MDN1: variants seen among roughly 807,000 people sequenced by gnomAD.
The protein encoded by MDN1 is midasin.
Under a neutral mutation model 669.2 loss-of-function variants are expected in MDN1, and 266 were observed. That is an observed-to-expected ratio of 0.40 (90% CI 0.36 to 0.44). The LOEUF (loss-of-function observed/expected upper bound fraction) is 0.44, where lower values mean the gene tolerates loss of function less well. MDN1 is among the 20% of genes least tolerant of loss of function. The probability of loss-of-function intolerance (pLI) is 1.00; values close to 1 mark genes in which losing one functional copy is unlikely to be tolerated. For missense variants in MDN1, 5,940 were observed against 6,754.0 expected (o/e 0.88, Z 4.22); for synonymous variants, 2,385 against 2,457.1 (o/e 0.97, Z 0.87).
intron 1 of MDN1, among the ~76,000 whole-genome samples, chr6:89,817,172 C>T (rs1768895814): frequency 6.6e-6 from 1 of 152,120 alleles, no homozygotes. Flanking sequence ...GCTTAGGTCT[C>T]CCTAAAATGT....
chr6:89,730,295 C>T (rs1815506937), intron 35 of MDN1, among the ~76,000 whole-genome samples: 1 of 152,132 alleles, frequency 6.6e-6, no homozygotes, highest in Non-Finnish European at 1.5e-5. Flanking sequence ...GGGACCGGAT[C>T]AGGAATGACA....
intron 13 of MDN1, among the ~76,000 whole-genome samples, chr6:89,773,799 T>C (rs1818224453): frequency 6.6e-6 from 1 of 151,542 alleles, no homozygotes; most frequent in African/African-American, 2.4e-5. Context: ...ACCCCGTCTC[T>C]ACTAAAAATA....
intron 37 of MDN1, among the ~76,000 whole-genome samples, chr6:89,726,821 C>G (rs1406367618): frequency 1.3e-5 from 2 of 152,072 alleles, no homozygotes; most frequent in African/African-American, 4.8e-5. Flanking sequence ...TGCAAACAGG[C>G]AAAAATCAGA....
Position 89,781,576 on chromosome 6 carries a change from T to C in MDN1, c.1466A>G (p.Tyr489Cys), listed in dbSNP as rs1363618186. The change falls in exon 10 of 102, where the codon TAT becomes TGT. Residue 489 changes from tyrosine to cysteine, a missense_variant. Physicochemically the swap from Tyr to Cys is radical, Grantham distance 194. Around this residue, in one of 5 missense-constraint regions of MDN1, gnomAD observed 1,203 missense variants for 1,268.9 expected, o/e 0.95. Transcript: ENST00000369393. ...ATCAACCACTGCCAATAGGCTAGGA[T>C]ATCTGCTCTGAAGAACCTGACAGAG... ...RELNEVLQSR[Y>C]PSLLAVVDHL... 1 of 1,602,904 alleles carries C rather than the reference T, an allele frequency of 6.2e-7. No homozygotes were observed. The highest frequency in any genetic ancestry group is 2.2e-5 in the East Asian group (1 of 44,638).
chr6:89,807,251 TA>T (rs1768082942), intron 1 of MDN1, among the ~76,000 whole-genome samples: 1 of 152,116 alleles, frequency 6.6e-6, no homozygotes. Context: ...CATGCCTGGC[TA>T]ATTTCTGTAT....
intron 83 of MDN1, among the ~76,000 whole-genome samples, chr6:89,670,170 A>ATATATTTT (rs1444537561): frequency 3.4e-4 from 8 of 23,412 alleles, no homozygotes; most frequent in African/African-American, 1.8e-3. Flanking sequence ...ATATATATAT[A>ATATATTTT]TTTTTTTTTT....
chr6:89,718,321 A>G, intron 43 of MDN1, 45 bp downstream of exon 43: 1 of 1,565,308 alleles, frequency 6.4e-7, no homozygotes, highest in Non-Finnish European at 8.7e-7. Flanking sequence ...TGGACACAAT[A>G]TAAGCAATGG....
rs1769135895 is a variant in MDN1, at chr6:89,819,751, G to A, written c.-144C>T. The A allele has an allele frequency of 1.5e-6, 1 of 657,206 alleles. No individual in the cohort carries two copies. Among genetic ancestry groups the A allele is most frequent in the Non-Finnish European group, 2.7e-6 (1 of 372,446 alleles). The allele number at this position is 657,206 out of a possible 1,614,324, so 40.7% of individuals were successfully genotyped here. ...CTCAGCTCCAGCGCCTACACCGGGA[G>A]AGGGGCACCACACGTGGGTGAGCAC... On this transcript the variant is annotated 5_prime_UTR_variant, in exon 1 of 102. Coordinates refer to ENST00000369393, the MANE Select transcript of MDN1 (RefSeq NM_014611.3).
chr6:89,719,271 A>G, intron 40 of MDN1, 46 bp from the exon 41 acceptor site: 2 of 1,496,628 alleles, frequency 1.3e-6, no homozygotes, highest in Non-Finnish European at 1.9e-6. Flanking sequence ...CACTCCACCT[A>G]ATTCTTAGGC....
chr6:89,796,075 A>G (rs548249237), intron 2 of MDN1, among the ~76,000 whole-genome samples: 2 of 152,212 alleles, frequency 1.3e-5, no homozygotes, highest in African/African-American at 4.8e-5. Flanking sequence ...CTGAAATCCC[A>G]GCACTTTGGG....
chr6:89,725,164 C>T lies in MDN1; in HGVS notation c.5670+35G>A, dbSNP rs771378650. ...AATAGTAGTCTTATCCCCTCCGAGT[C>T]TATCTTTGGTCTCTATGGCAACAGC... On this transcript the variant is annotated intron_variant, in intron 38 of 101. Coordinates refer to ENST00000369393, the MANE Select transcript of MDN1 (RefSeq NM_014611.3). 2.5e-6 allele frequency: 4 copies of T among 1,595,930 alleles called. No individual in the cohort carries two copies. The Admixed American group carries it at 6.7e-5, about 27-fold the overall frequency.
At chr6:89,742,531 T>A (rs1303311534) in intron 31 of MDN1, among the ~76,000 whole-genome samples, 2 of 152,248 alleles carry the variant, frequency 1.3e-5, no homozygotes, top group East Asian at 3.8e-4. Context: ...GCAATACCAC[T>A]AACTCAGTGA....
At chr6:89,760,151 C>T (rs1817469805) in intron 17 of MDN1, among the ~76,000 whole-genome samples, 1 of 152,204 alleles carries the variant, frequency 6.6e-6, no homozygotes, top group Admixed American at 6.5e-5. Context: ...TTCTCTGTTA[C>T]TAAAACATCA....
At chr6:89,698,823 T>C (rs1355735839) in intron 59 of MDN1, 42 bp downstream of exon 59, 3 of 1,598,542 alleles carry the variant, frequency 1.9e-6, no homozygotes, top group Non-Finnish European at 2.6e-6. Flanking sequence ...AGAAACTCTT[T>C]TGCCACTATC....
intron 53 of MDN1, 139 bp from the exon 54 acceptor site, chr6:89,702,200 T>A: frequency 1.3e-6 from 1 of 761,300 alleles, no homozygotes; most frequent in Non-Finnish European, 1.9e-6. Context: ...TGCTAATCAA[T>A]GCTCAATTTA....
chr6:89,680,798 A>C (rs760138101), intron 73 of MDN1, 47 bp from the exon 74 acceptor site: 6 of 1,593,134 alleles, frequency 3.8e-6, no homozygotes, highest in African/African-American at 1.3e-5. Context: ...AATGACAGGC[A>C]GTGTCCCTGC....
At chr6:89,706,234 T>G in intron 52 of MDN1, 42 bp from the exon 53 acceptor site, 1 of 1,578,456 alleles carries the variant, frequency 6.3e-7, no homozygotes, top group Non-Finnish European at 8.7e-7. Flanking sequence ...TTCATCAGAT[T>G]TAAAATAATC....
At chr6:89,723,435 G>T in intron 39 of MDN1, 77 bp downstream of exon 39, 1 of 907,324 alleles carries the variant, frequency 1.1e-6, no homozygotes. Context: ...TGATAATTTG[G>T]TAGAACTCTA....
chr6:89,761,774 C>T (rs778245777), intron 16 of MDN1, 26 bp from the exon 17 acceptor site: 1 of 1,482,554 alleles, frequency 6.7e-7, no homozygotes, highest in Non-Finnish European at 9.3e-7. Context: ...AAGAATTCAG[C>T]ACACATTTTG....
Sources: gnomAD v4.1 joint callset for allele counts (sites outside exome capture counted in the v4.1 genomes callset) on GRCh38, gnomAD v4.1.1 for gene constraint, gnomAD v4.1.1 regional missense constraint, MANE v1.5 for transcripts, NCBI Gene and HGNC (gene_info 2026-07-23, HGNC 2026-07-21) for gene names.